Variants in DNAH3 observed in about 807,000 individuals in gnomAD.
DNAH3 encodes axonemal beta dynein heavy chain 3.
DNAH3 carries 332 observed loss-of-function variants against 432.5 expected under a neutral mutation model. The observed-to-expected ratio is 0.77, with a 90% confidence interval of 0.70 to 0.84. DNAH3 has a LOEUF of 0.84. Among genes scored for constraint, DNAH3 ranks in the 40% least tolerant of loss-of-function variants. DNAH3 has a pLI of 0.00. For missense variants in DNAH3, 4,861 were observed against 5,114.0 expected, an observed-to-expected ratio of 0.95 and a Z score of 1.51; for synonymous variants, 1,956 against 1,900.2, an observed-to-expected ratio of 1.03 and a Z score of -0.76.
chr16:20,946,671 C>G (rs950056564), intron 57 of DNAH3, among the ~76,000 whole-genome samples: 9 of 152,090 alleles, frequency 5.9e-5, no homozygotes, highest in African/African-American at 2.2e-4. Context: ...TCCCCTAGCC[C>G]TTGTTACAGT....
At chr16:21,121,082 T>G in intron 10 of DNAH3, 1 of 650,542 alleles carries the variant, frequency 1.5e-6, no homozygotes, top group Non-Finnish European at 2.8e-6. Flanking sequence ...GCAAGGCCCA[T>G]GTGAAGCATA....
intron 57 of DNAH3, among the ~76,000 whole-genome samples, chr16:20,948,175 G>A (rs564027983): frequency 5.3e-5 from 8 of 151,956 alleles, no homozygotes; most frequent in Admixed American, 3.3e-4. Context: ...CTGAATCTTC[G>A]TCTTCAAGTA....
At chr16:20,984,803 T>C (rs1053646349) in intron 48 of DNAH3, among the ~76,000 whole-genome samples, 1 of 151,994 alleles carries the variant, frequency 6.6e-6, no homozygotes, top group Non-Finnish European at 1.5e-5. Context: ...AGGCAGAGGT[T>C]GCAGTGAGCT....
chr16:21,127,638 A>G, intron 8 of DNAH3, 49 bp downstream of exon 9: 3 of 1,597,708 alleles, frequency 1.9e-6, no homozygotes, highest in South Asian at 1.1e-5. Context: ...GAGGGTTTTC[A>G]GTCTTTAAGA....
chr16:21,104,215 T>C (rs2091899154), intron 16 of DNAH3: 1 of 348,166 alleles, frequency 2.9e-6, no homozygotes, highest in African/African-American at 2.1e-5. Context: ...CGTTTTTCTC[T>C]CTGCACCACC....
chr16:21,072,784 A>G (rs1329926662), intron 21 of DNAH3, among the ~76,000 whole-genome samples: 1 of 151,306 alleles, frequency 6.6e-6, no homozygotes, highest in Non-Finnish European at 1.5e-5. Context: ...TAGCTTTCCA[A>G]GTAGCTGGTG....
chr16:21,005,677 C>G (rs1185264795), intron 41 of DNAH3, among the ~76,000 whole-genome samples: 1 of 139,798 alleles, frequency 7.2e-6, no homozygotes, highest in Non-Finnish European at 1.6e-5. Flanking sequence ...CCATGCCCAG[C>G]CTCATTTTTT....
At chr16:21,096,003 C>T (rs2091666620) in intron 18 of DNAH3, among the ~76,000 whole-genome samples, 1 of 152,158 alleles carries the variant, frequency 6.6e-6, no homozygotes, top group African/African-American at 2.4e-5. Context: ...CTCCTGAGCT[C>T]AAGTAATCCT....
intron 50 of DNAH3, among the ~76,000 whole-genome samples, chr16:20,975,617 T>C (rs1186542362): frequency 2.6e-5 from 4 of 152,254 alleles, no homozygotes; most frequent in African/African-American, 9.6e-5. Flanking sequence ...CTCTGCATTG[T>C]GGTTATCAAG....
chr16:21,081,631 C>T lies in DNAH3; in HGVS notation c.2969+5G>A, dbSNP rs1473570464. The T allele has an allele frequency of 6.2e-7, 1 of 1,612,846 alleles. No homozygotes were observed. The highest frequency in any genetic ancestry group is 1.1e-5 in the South Asian group (1 of 90,960). On this transcript the variant is annotated splice_donor_5th_base_variant and intron_variant, in intron 20 of 61. Transcript: ENST00000261383. ...CCTTATCTGAAGGAGGGGATAAGCC[C>T]TTACTTTTCAACGAATTTGCCGAAT... is the stretch of plus-strand genomic sequence containing the variant.
Position 21,104,607 on chromosome 16 carries a change from T to C in DNAH3, c.2285-55A>G, listed in dbSNP as rs368902729. Reference sequence around the variant, plus strand: ...TTGATGTCCTCATCTGCAAAACACATACTGCCTGCTCCAGGACACTGTTTA... The same window carrying C: ...TTGATGTCCTCATCTGCAAAACACACACTGCCTGCTCCAGGACACTGTTTA... On this transcript the variant is annotated intron_variant, in intron 15 of 61. Coordinates refer to ENST00000261383, the Ensembl canonical transcript of DNAH3. 1.7e-5 allele frequency: 24 copies of C among 1,442,358 alleles called. No homozygotes were observed. The highest frequency in any genetic ancestry group is 2.3e-5 in the South Asian group (2 of 87,604). The allele number at this position is 1,442,358 out of a possible 1,614,324, so 89.3% of individuals were successfully genotyped here.
chr16:21,120,126 CAG>C (rs199910646), intron 11 of DNAH3, among the ~76,000 whole-genome samples: 3,030 of 83,288 alleles, frequency 0.036, 123 homozygotes, highest in African/African-American at 0.12. Flanking sequence ...TTTTTTTTGA[CAG>C]AGTCTCACTC....
chr16:21,111,710 T>A, exon 14 of DNAH3: 1 of 1,614,086 alleles, frequency 6.2e-7, no homozygotes, highest in South Asian at 1.1e-5. Context: ...GAGATCATGA[T>A]TTAGGGCCGT....
chr16:20,969,970 T>G lies in DNAH3; in HGVS notation c.8280A>C (p.Leu2760=), dbSNP rs769901973. The G allele has an allele frequency of 2.5e-6, 4 of 1,614,012 alleles. No individual in the cohort carries two copies. The Admixed American group carries it at 6.7e-5, about 27-fold the overall frequency. Residue 2760 remains leucine (L), a synonymous_variant, in exon 52 of 62, where the codon CTA becomes CTC. Coordinates refer to ENST00000261383, the Ensembl canonical transcript of DNAH3. The stretch of plus-strand genomic sequence containing the variant: ...CCTCGAGTGCAGGCATTGCCTCAGC[T>G]AGGTCCCCCTCACATTCGTTCTGTG...
chr16:21,017,820 ATTCATTAT>A (rs1267728100), intron 41 of DNAH3, among the ~76,000 whole-genome samples: 1 of 152,102 alleles, frequency 6.6e-6, no homozygotes, highest in East Asian at 1.9e-4. Flanking sequence ...CTACTTGCTC[ATTCATTAT>A]TTCATTATTA....
At chr16:21,029,509 G>A (rs752512401) in intron 37 of DNAH3, among the ~76,000 whole-genome samples, 9 of 152,082 alleles carry the variant, frequency 5.9e-5, no homozygotes, top group South Asian at 2.1e-4. Flanking sequence ...AGACGCTATC[G>A]TCCCTACTTT....
At chr16:20,943,957 C>A (rs946724103) in intron 58 of DNAH3, among the ~76,000 whole-genome samples, 2 of 151,178 alleles carry the variant, frequency 1.3e-5, no homozygotes, top group Non-Finnish European at 2.9e-5. Flanking sequence ...GCGCTCCAGC[C>A]TAGGTAACCG....
chr16:21,088,475 C>T (rs939128682), intron 18 of DNAH3, among the ~76,000 whole-genome samples: 2 of 152,162 alleles, frequency 1.3e-5, no homozygotes, highest in African/African-American at 4.8e-5. Context: ...CTATTAGAAG[C>T]AATTTCCCTC....
chr16:21,009,924 AG>A (rs2087504556), intron 41 of DNAH3, among the ~76,000 whole-genome samples: 1 of 32,170 alleles, frequency 3.1e-5, no homozygotes, highest in African/African-American at 1.4e-4. Flanking sequence ...AGGGGAGGGG[AG>A]GGGAGGGGAG....
Sources: gnomAD v4.1 joint callset for allele counts (sites outside exome capture counted in the v4.1 genomes callset) on GRCh38, gnomAD v4.1.1 for gene constraint, MANE v1.5 for transcripts, NCBI Gene and HGNC (gene_info 2026-07-23, HGNC 2026-07-21) for gene names.